Variants in NRXN3 observed in about 807,000 individuals in gnomAD.
The protein encoded by NRXN3 is neurexin 3.
NRXN3 carries 32 observed loss-of-function variants against 137.6 expected under a neutral mutation model. That is an observed-to-expected ratio of 0.23 (90% CI 0.18 to 0.31). NRXN3 has a LOEUF of 0.31. NRXN3 is among the 10% of genes least tolerant of loss of function. The pLI, the probability that NRXN3 is intolerant of heterozygous loss-of-function variation, is 1.00. For missense variants in NRXN3, 1,574 were observed against 2,062.5 expected, an observed-to-expected ratio of 0.76 and a Z score of 4.59; for synonymous variants, 798 against 784.5, an observed-to-expected ratio of 1.02 and a Z score of -0.29.
intron 16 of NRXN3, among the ~76,000 whole-genome samples, chr14:79,604,628 A>G (rs537562264): frequency 7.2e-5 from 11 of 152,310 alleles, no homozygotes; most frequent in African/African-American, 2.6e-4. Flanking sequence ...GTTTAAAATC[A>G]GACCATAATT....
chr14:78,957,576 A>G (rs903749939), intron 11 of NRXN3, among the ~76,000 whole-genome samples: 1 of 152,338 alleles, frequency 6.6e-6, no homozygotes, highest in East Asian at 1.9e-4. Context: ...CCTACTAACT[A>G]TAACTACATA....
chr14:78,288,606 A>C, intron 3 of NRXN3, among the ~76,000 whole-genome samples: 1 of 152,202 alleles, frequency 6.6e-6, no homozygotes. Flanking sequence ...CATGTCATTC[A>C]TCAATGAAGA....
At position 78,716,590 on chromosome 14, in the gene NRXN3, TAC is replaced by T. The variant is rs2098435132; in HGVS notation, c.2044+1453_2044+1454del. 2.0e-5 allele frequency among the ~76,000 whole-genome samples: 3 copies of T among 152,288 alleles called. No homozygotes were observed. In the South Asian group the frequency reaches 6.2e-4, roughly 32 times the overall value. ...GGAGAGACCTGCAGGGTCTCATCTCTACAGACCAGTGGCCAGTGGCCTATCAG... is the reference window on the plus strand; with the variant it reads ...GGAGAGACCTGCAGGGTCTCATCTCTAGACCAGTGGCCAGTGGCCTATCAG... On this transcript the variant is annotated intron_variant, in intron 8 of 20. Transcript: ENST00000335750.
At chr14:79,608,030 C>T (rs2098045475) in intron 16 of NRXN3, among the ~76,000 whole-genome samples, 1 of 152,156 alleles carries the variant, frequency 6.6e-6, no homozygotes, top group Non-Finnish European at 1.5e-5. Context: ...AATTATTTCC[C>T]TCATGGAACC....
intron 1 of NRXN3, among the ~76,000 whole-genome samples, chr14:78,234,818 T>G (rs1031112255): frequency 1.1e-4 from 16 of 152,036 alleles, no homozygotes; most frequent in African/African-American, 3.9e-4. Context: ...AATGAAAAAC[T>G]TTCTTTTCAT....
chr14:79,253,744 A>T (rs1180787374), intron 15 of NRXN3, among the ~76,000 whole-genome samples: 1 of 152,188 alleles, frequency 6.6e-6, no homozygotes, highest in Non-Finnish European at 1.5e-5. Flanking sequence ...AGCTCTTGTG[A>T]TGAACTCACT....
At chr14:79,248,038 A>G (rs2075437894) in intron 15 of NRXN3, among the ~76,000 whole-genome samples, 1 of 152,178 alleles carries the variant, frequency 6.6e-6, no homozygotes, top group African/African-American at 2.4e-5. Flanking sequence ...GTACGATCAT[A>G]GTTCACAGCA....
intron 10 of NRXN3, among the ~76,000 whole-genome samples, chr14:78,949,863 C>G (rs1030172918): frequency 6.6e-6 from 1 of 151,820 alleles, no homozygotes; most frequent in Non-Finnish European, 1.5e-5. Flanking sequence ...ATATTTTTTT[C>G]TGCATGCTAG....
intron 6 of NRXN3, among the ~76,000 whole-genome samples, chr14:78,679,381 T>G (rs2098048004): frequency 6.6e-6 from 1 of 152,218 alleles, no homozygotes; most frequent in Non-Finnish European, 1.5e-5. Flanking sequence ...GTTAGTCTTT[T>G]TCTTACATTT....
chr14:79,578,735 G>A (rs953758753), intron 16 of NRXN3, among the ~76,000 whole-genome samples: 13 of 152,158 alleles, frequency 8.5e-5, no homozygotes, highest in Non-Finnish European at 2.9e-5. Context: ...TTCCAAGTGA[G>A]AGAACAGGAA....
At position 78,613,164 on chromosome 14, in the gene NRXN3, C is replaced by T. The variant is rs572817611; in HGVS notation, c.758-31956C>T. Among the ~76,000 whole-genome samples the T allele has an allele frequency of 3.3e-4, 50 of 152,220 alleles. No homozygotes were observed. In the Middle Eastern group the frequency reaches 0.017, roughly 52 times the overall value. ...CTGACTCCTTTAACTTGTTTAATTG[C>T]GCTAAGTTCTTAAGTGGATTTACTG... On this transcript the variant is annotated intron_variant, in intron 4 of 20. Transcript: ENST00000335750.
intron 1 of NRXN3, among the ~76,000 whole-genome samples, chr14:78,201,372 T>A (rs576584486): frequency 2.6e-5 from 4 of 152,336 alleles, no homozygotes; most frequent in African/African-American, 9.6e-5. Flanking sequence ...CTTCTCCATC[T>A]GGCCGCTCTG....
At chr14:78,263,244 C>A (rs1303396533) in intron 2 of NRXN3, among the ~76,000 whole-genome samples, 2 of 152,152 alleles carry the variant, frequency 1.3e-5, no homozygotes, top group Non-Finnish European at 2.9e-5. Flanking sequence ...CTCTGTTAAT[C>A]TGAAGATGAC....
At chr14:78,624,665 A>G (rs1408467362) in intron 4 of NRXN3, among the ~76,000 whole-genome samples, 1 of 152,170 alleles carries the variant, frequency 6.6e-6, no homozygotes, top group Non-Finnish European at 1.5e-5. Context: ...TAGGATGGCA[A>G]GATAGATTGG....
At chr14:78,658,570 T>C (rs1329271274) in intron 6 of NRXN3, among the ~76,000 whole-genome samples, 1 of 152,216 alleles carries the variant, frequency 6.6e-6, no homozygotes, top group Non-Finnish European at 1.5e-5. Context: ...TAAAAAGGCC[T>C]GATACTGGGT....
At chr14:79,368,606 G>A (rs1436829797) in intron 15 of NRXN3, among the ~76,000 whole-genome samples, 1 of 152,134 alleles carries the variant, frequency 6.6e-6, no homozygotes, top group Non-Finnish European at 1.5e-5. Context: ...AGGGTAATGA[G>A]TTAATTTGTG....
intron 16 of NRXN3, among the ~76,000 whole-genome samples, chr14:79,600,474 G>A (rs2097910464): frequency 6.6e-6 from 1 of 152,172 alleles, no homozygotes; most frequent in South Asian, 2.1e-4. Flanking sequence ...AACTTCAAAG[G>A]AAGATAAAAC....
At chr14:78,223,402 A>G (rs2064087151) in intron 1 of NRXN3, among the ~76,000 whole-genome samples, 1 of 152,164 alleles carries the variant, frequency 6.6e-6, no homozygotes, top group African/African-American at 2.4e-5. Context: ...GGGCTTGACT[A>G]ATTCTGCTGG....
At chr14:78,985,122 T>G (rs7146473) in intron 14 of NRXN3, among the ~76,000 whole-genome samples, 10 of 151,986 alleles carry the variant, frequency 6.6e-5, no homozygotes, top group African/African-American at 2.4e-4. Flanking sequence ...TTCTGACAAA[T>G]GGAAAAGATT....
Sources: gnomAD v4.1 joint callset for allele counts (sites outside exome capture counted in the v4.1 genomes callset) on GRCh38, gnomAD v4.1.1 for gene constraint, MANE v1.5 for transcripts, NCBI Gene and HGNC (gene_info 2026-07-23, HGNC 2026-07-21) for gene names.